CHAF1B: variants seen among roughly 807,000 people sequenced by gnomAD.
The protein encoded by CHAF1B is chromatin assembly factor 1 subunit B, also known as CAF-1 subunit B.
CHAF1B carries 10 observed loss-of-function variants against 60.7 expected under a neutral mutation model. That is an observed-to-expected ratio of 0.16 (90% CI 0.10 to 0.28). The LOEUF (loss-of-function observed/expected upper bound fraction) is 0.28. Ranked by LOEUF, CHAF1B falls within the 10% of genes least tolerant of loss-of-function variation. CHAF1B has a pLI of 1.00. For missense variants in CHAF1B, 558 were observed against 708.4 expected (o/e 0.79, Z 2.41); for synonymous variants, 261 against 266.1 (o/e 0.98, Z 0.19).
chr21:36,397,719 C>A lies in CHAF1B; in HGVS notation c.578+208C>A, dbSNP rs1399366147. The A allele has an allele frequency of 7.5e-4, 100 of 133,894 alleles. No individual in the cohort carries two copies. In the East Asian group the frequency reaches 0.011, roughly 14 times the overall value. 8.3% of individuals were successfully genotyped at this position (133,894 alleles called of 1,614,324 possible). On this transcript the variant is annotated intron_variant, in intron 6 of 13. Coordinates refer to ENST00000314103, the MANE Select transcript of CHAF1B (RefSeq NM_005441.3). ...TACACGAAGTTTGTACTTAGTAAAT[C>A]TTTTTTTTTTTTTTTTTTTTTAGAC...
chr21:36,397,101 C>A (rs1179760276), intron 5 of CHAF1B, among the ~76,000 whole-genome samples: 1 of 152,172 alleles, frequency 6.6e-6, no homozygotes, highest in African/African-American at 2.4e-5. Context: ...CCTGCCTGAC[C>A]TGGGGAACTG....
At chr21:36,405,033 G>A (rs2086226661) in intron 8 of CHAF1B, among the ~76,000 whole-genome samples, 1 of 83,484 alleles carries the variant, frequency 1.2e-5, no homozygotes, top group African/African-American at 2.8e-5. Context: ...TTACAGGTGT[G>A]AGCCACTGCG....
chr21:36,412,997 T>C lies in CHAF1B; in HGVS notation c.1175T>C (p.Met392Thr). The change falls in exon 12 of 14, where the codon ATG becomes ACG. Residue 392 changes from methionine to threonine, a missense_variant. Met to Thr is a moderately conservative substitution (Grantham distance 81, BLOSUM62 -1). Coordinates refer to ENST00000314103, the MANE Select transcript of CHAF1B (RefSeq NM_005441.3). ...TTGAAAGAGAAGCCAGTTTTGAACA[T>C]GAGAACTCCTGATACAGCAAAGAAA... ...IPLKEKPVLN[M>T]RTPDTAKKTK... is the part of the protein sequence containing the mutation. 1 of 1,614,068 alleles carries C rather than the reference T, an allele frequency of 6.2e-7. No individual in the cohort carries two copies. Among genetic ancestry groups the C allele is most frequent in the Non-Finnish European group, 8.5e-7 (1 of 1,179,976 alleles).
Position 36,417,911 on chromosome 21 carries a change from A to G in CHAF1B, c.*1545A>G, listed in dbSNP as rs899645058. The G allele has an allele frequency of 1.3e-5, 2 of 152,194 alleles. No homozygotes were observed. Among genetic ancestry groups the G allele is most frequent in the African/African-American group, 2.4e-5 (1 of 41,454 alleles). The allele number at this position is 152,194 out of a possible 1,614,324, so 9.4% of individuals were successfully genotyped here. On this transcript the variant is annotated 3_prime_UTR_variant, in exon 14 of 14. Coordinates refer to ENST00000314103, the MANE Select transcript of CHAF1B (RefSeq NM_005441.3). ...TATGTTCTGAATATTAGGATTTCTT[A>G]AAGCTCCTGGAGTAATTCTGATGCG...
At chr21:36,389,129 G>A (rs1179398489) in intron 3 of CHAF1B, 2 of 152,972 alleles carry the variant, frequency 1.3e-5, no homozygotes, top group Non-Finnish European at 2.9e-5. Flanking sequence ...ATTCCCTGCT[G>A]TGACTGATGC....
intron 9 of CHAF1B, 82 bp from the exon 10 acceptor site, chr21:36,409,292 C>A: frequency 1.9e-6 from 2 of 1,080,320 alleles, no homozygotes; most frequent in Non-Finnish European, 2.8e-6. Context: ...TGAGCCACCG[C>A]GCCCTGCCAA....
Position 36,392,476 on chromosome 21 carries a change from C to A in CHAF1B, c.377+808C>A, listed in dbSNP as rs538763908. On this transcript the variant is annotated intron_variant, in intron 4 of 13. Transcript: ENST00000314103. ...ACGGGGTGGCGGCCGGGTAGAGGGG[C>A]TCCTCACTTCCCAGACAGGGCGGCC... Among the ~76,000 whole-genome samples the A allele has an allele frequency of 2.0e-4, 31 of 152,186 alleles. No individual in the cohort carries two copies. In the East Asian group the frequency reaches 5.8e-3, roughly 29 times the overall value.
In CHAF1B at chr21:36,418,868, AAAAG is replaced by A. The variant is rs1318836906; in HGVS notation, c.*2505_*2508del. 6.6e-6 allele frequency: 1 copy of A among 151,754 alleles called. No homozygotes were observed. Among genetic ancestry groups the A allele is most frequent in the African/African-American group, 2.4e-5 (1 of 41,076 alleles). The allele number at this position is 151,754 out of a possible 1,614,324, so 9.4% of individuals were successfully genotyped here. On this transcript the variant is annotated 3_prime_UTR_variant, in exon 14 of 14. Coordinates refer to ENST00000314103, the MANE Select transcript of CHAF1B (RefSeq NM_005441.3). Reference sequence around the variant, plus strand: ...TGTCTCAAAAAAAAAAAAAAAGAGAAAAAGAAGAACAGTATTAGGTTTTACAAAT... The same window carrying A: ...TGTCTCAAAAAAAAAAAAAAAGAGAAAAGAACAGTATTAGGTTTTACAAAT...
At chr21:36,393,020 G>A (rs2086104355) in intron 4 of CHAF1B, among the ~76,000 whole-genome samples, 1 of 152,186 alleles carries the variant, frequency 6.6e-6, no homozygotes, top group Non-Finnish European at 1.5e-5. Context: ...GACCAGCCCG[G>A]CCAACACAGC....
At chr21:36,408,641 A>C in intron 8 of CHAF1B, 120 bp from the exon 9 acceptor site, 1 of 671,342 alleles carries the variant, frequency 1.5e-6, no homozygotes, top group Non-Finnish European at 2.7e-6. Flanking sequence ...TGTCCAGAGA[A>C]TATAACTGCA....
intron 3 of CHAF1B, among the ~76,000 whole-genome samples, chr21:36,389,792 T>TGCGC (rs1168637385): frequency 3.8e-5 from 5 of 130,652 alleles, no homozygotes; most frequent in African/African-American, 1.9e-4. Context: ...TGTGTGTGTG[T>TGCGC]GTGTGTGTGC....
chr21:36,409,522 G>A, intron 10 of CHAF1B, 57 bp downstream of exon 10: 2 of 1,284,798 alleles, frequency 1.6e-6, no homozygotes, highest in Non-Finnish European at 2.3e-6. Flanking sequence ...GGTCACCAGA[G>A]TGGGGTGGAG....
chr21:36,414,412 C>T (rs953355469), intron 12 of CHAF1B, among the ~76,000 whole-genome samples: 4 of 152,212 alleles, frequency 2.6e-5, no homozygotes, highest in Admixed American at 2.0e-4. Context: ...TAAAATCTCT[C>T]ATTTCTTTCT....
Position 36,386,107 on chromosome 21 carries a change from A to C in CHAF1B, c.-30A>C, listed in dbSNP as rs761298518. On this transcript the variant is annotated 5_prime_UTR_variant, in exon 2 of 14. Coordinates refer to ENST00000314103, the MANE Select transcript of CHAF1B (RefSeq NM_005441.3). ...TTGAAGAAGTAGAACGGTGCCCGAGAAACGTTTTTCCCCTTCGAGACTCAG... is the reference window on the plus strand; with the variant it reads ...TTGAAGAAGTAGAACGGTGCCCGAGCAACGTTTTTCCCCTTCGAGACTCAG... 6 of 1,613,192 alleles carry C rather than the reference A, an allele frequency of 3.7e-6. No individual in the cohort carries two copies. Among genetic ancestry groups the C allele is most frequent in the Non-Finnish European group, 4.2e-6 (5 of 1,179,556 alleles).
chr21:36,411,656 C>T, intron 11 of CHAF1B, 52 bp downstream of exon 11: 1 of 1,598,870 alleles, frequency 6.3e-7, no homozygotes, highest in African/African-American at 1.3e-5. Context: ...TGGCTGTATC[C>T]TGGAAGACAC....
intron 3 of CHAF1B, 59 bp downstream of exon 3, chr21:36,387,789 G>A (rs1601554475): frequency 2.0e-6 from 3 of 1,531,990 alleles, no homozygotes; most frequent in Non-Finnish European, 2.7e-6. Flanking sequence ...TGTGTGTCTT[G>A]TGTCAGATAG....
At chr21:36,389,107 G>A (rs1472278633) in intron 3 of CHAF1B, 1 of 152,876 alleles carries the variant, frequency 6.5e-6, no homozygotes, top group Non-Finnish European at 1.5e-5. Flanking sequence ...TGACATCTGT[G>A]TGTTTTCTCC....
chr21:36,393,184 C>T (rs900541230), intron 4 of CHAF1B, among the ~76,000 whole-genome samples: 2 of 152,088 alleles, frequency 1.3e-5, no homozygotes, highest in Admixed American at 1.3e-4. Flanking sequence ...CTCGGCTTGG[C>T]ATCAGAGGGA....
intron 12 of CHAF1B, among the ~76,000 whole-genome samples, 192 bp from the exon 13 acceptor site, chr21:36,415,103 A>T (rs927493287): frequency 3.9e-5 from 6 of 152,216 alleles, no homozygotes; most frequent in Non-Finnish European, 5.9e-5. Context: ...GTGATGGTTT[A>T]ACTTAATACA....
Sources: allele counts gnomAD v4.1 joint callset (sites outside exome capture counted in the v4.1 genomes callset), GRCh38; gene constraint gnomAD v4.1.1; transcripts MANE v1.5; gene names NCBI Gene and HGNC (gene_info 2026-07-23, HGNC 2026-07-21).